Variants in MYO3A observed in about 807,000 individuals in gnomAD.
MYO3A encodes the protein myosin-IIIa.
MYO3A carries 180 observed loss-of-function variants against 192.7 expected under a neutral mutation model. The ratio of observed to expected loss-of-function variants is 0.93; its 90% CI spans 0.83 to 1.06. MYO3A has a LOEUF of 1.06. MYO3A is among the 50% of genes least tolerant of loss of function. MYO3A has a pLI of 0.00. For synonymous variants in MYO3A, 628 were observed against 645.3 expected (o/e 0.97, Z 0.41); for missense variants, 1,896 against 1,905.0 (o/e 1.00, Z 0.09).
In MYO3A at chr10:26,212,159, T is replaced by TA. The variant is rs1349449601; in HGVS notation, c.*196_*197insA. 1.3e-6 allele frequency: 1 copy of TA among 744,174 alleles called. No homozygotes were observed. Among genetic ancestry groups the TA allele is most frequent in the East Asian group, 2.8e-5 (1 of 35,782 alleles). The allele number at this position is 744,174 out of a possible 1,614,324, so 46.1% of individuals were successfully genotyped here. A position where few individuals can be genotyped will look rare whatever the true frequency, so the allele number is the denominator to read the frequency against. On this transcript the variant is annotated 3_prime_UTR_variant, in exon 35 of 35. Transcript: ENST00000642920. ...TCCGAAACAAGAGACCTGGGAGCCC[T>TA]CGGGAAACCTCCCCCGACGCTCTCT...
chr10:25,975,082 A>T (rs1838890168), intron 4 of MYO3A, among the ~76,000 whole-genome samples: 1 of 152,206 alleles, frequency 6.6e-6, no homozygotes, highest in Non-Finnish European at 1.5e-5. Flanking sequence ...TGAGTTGGCT[A>T]AGTATACATA....
At chr10:26,087,576 C>T (rs1326910899) in intron 14 of MYO3A, among the ~76,000 whole-genome samples, 1 of 152,160 alleles carries the variant, frequency 6.6e-6, no homozygotes, top group Non-Finnish European at 1.5e-5. Context: ...AAATAAATTT[C>T]TACTCAGTAG....
intron 6 of MYO3A, among the ~76,000 whole-genome samples, 199 bp downstream of exon 6, chr10:25,997,457 C>T (rs144264488): frequency 5.9e-5 from 9 of 152,294 alleles, no homozygotes; most frequent in African/African-American, 2.2e-4. Flanking sequence ...TTCAAGTCAG[C>T]TAGTTTGTGC....
At chr10:25,962,430 T>G (rs1837989692) in intron 4 of MYO3A, among the ~76,000 whole-genome samples, 1 of 152,112 alleles carries the variant, frequency 6.6e-6, no homozygotes, top group Non-Finnish European at 1.5e-5. Context: ...GAATGAAGTT[T>G]TATGCTGTGG....
At chr10:26,087,831 A>G (rs1001975228) in intron 14 of MYO3A, among the ~76,000 whole-genome samples, 1 of 152,204 alleles carries the variant, frequency 6.6e-6, no homozygotes, top group Non-Finnish European at 1.5e-5. Flanking sequence ...TGTGGAAGCC[A>G]GTAAAGTGGT....
At chr10:26,168,545 A>C (rs1213268041) in intron 27 of MYO3A, among the ~76,000 whole-genome samples, 167 bp from the exon 28 acceptor site, 1 of 152,196 alleles carries the variant, frequency 6.6e-6, no homozygotes, top group Admixed American at 6.5e-5. Context: ...GTTTTCTTCA[A>C]GCATAAAAAT....
chr10:25,968,314 CATAA>C (rs975428375), intron 4 of MYO3A, among the ~76,000 whole-genome samples: 8 of 151,996 alleles, frequency 5.3e-5, no homozygotes, highest in African/African-American at 1.7e-4. Flanking sequence ...AAATGTTATT[CATAA>C]ATAAAGACAA....
intron 14 of MYO3A, among the ~76,000 whole-genome samples, chr10:26,080,832 A>G (rs996543639): frequency 6.6e-6 from 1 of 152,048 alleles, no homozygotes; most frequent in African/African-American, 2.4e-5. Flanking sequence ...CTTCTGGGTC[A>G]AGCCACCCAG....
chr10:25,950,522 A>G (rs1228000546), intron 2 of MYO3A, among the ~76,000 whole-genome samples: 1 of 152,202 alleles, frequency 6.6e-6, no homozygotes, highest in Non-Finnish European at 1.5e-5. Context: ...CTGAATTTTA[A>G]GTGAAACTAG....
At chr10:26,139,508 A>C (rs1266578055) in intron 20 of MYO3A, among the ~76,000 whole-genome samples, 5 of 152,180 alleles carry the variant, frequency 3.3e-5, no homozygotes, top group African/African-American at 1.2e-4. Context: ...CAAAGGATTA[A>C]AAATATTTTA....
rs550574858 is a variant in MYO3A at position 26,189,230 on chromosome 10, G to A, written c.4439-3975G>A. Among the ~76,000 whole-genome samples the A allele has an allele frequency of 2.0e-5, 3 of 152,288 alleles. No individual in the cohort carries two copies. In the South Asian group the frequency reaches 6.2e-4, roughly 32 times the overall value. ...TTAATCTGCTCTTTTAAGGACAGCA[G>A]TCACATTAGATTAGGACCCACTTTA... On this transcript the variant is annotated intron_variant, in intron 31 of 34. Coordinates refer to ENST00000642920, the MANE Select transcript of MYO3A (RefSeq NM_017433.5).
At chr10:26,143,188 G>A (rs909910262) in intron 20 of MYO3A, among the ~76,000 whole-genome samples, 7 of 151,924 alleles carry the variant, frequency 4.6e-5, no homozygotes, top group Admixed American at 6.6e-5. Context: ...AAAATTAGCC[G>A]GGCATGGTGG....
intron 15 of MYO3A, among the ~76,000 whole-genome samples, chr10:26,091,706 G>T (rs930727003): frequency 6.6e-6 from 1 of 152,230 alleles, no homozygotes; most frequent in South Asian, 2.1e-4. Context: ...TTCCAGTCAT[G>T]TGACAGGGTG....
rs1449423343 is a variant in MYO3A at position 26,000,728 on chromosome 10, G to A, written c.508+3470G>A. On this transcript the variant is annotated intron_variant, in intron 6 of 34. Coordinates refer to ENST00000642920, the MANE Select transcript of MYO3A (RefSeq NM_017433.5). ...CCTCTGTCACCCAGGCTGGAGTGTA[G>A]GAGATGAGCTTTTAAAAAGATAATG... 4.0e-5 allele frequency among the ~76,000 whole-genome samples: 6 copies of A among 151,898 alleles called. 1 individual carries two copies. The East Asian group carries it at 1.2e-3, about 29-fold the overall frequency.
chr10:26,088,656 A>G (rs1181828697), intron 15 of MYO3A, among the ~76,000 whole-genome samples: 1 of 152,224 alleles, frequency 6.6e-6, no homozygotes, highest in East Asian at 1.9e-4. Context: ...TCATAGAGGT[A>G]CTAACAGCGT....
intron 4 of MYO3A, among the ~76,000 whole-genome samples, chr10:25,989,700 G>C (rs1839891430): frequency 6.6e-6 from 1 of 152,170 alleles, no homozygotes; most frequent in African/African-American, 2.4e-5. Flanking sequence ...TGTACTATAA[G>C]TGTTCAGGCA....
rs192872892 is a variant in MYO3A at position 25,958,887 on chromosome 10, C to A, written c.303+3879C>A. ...ATTGTTTTTATCTGGCTTTCACCTC[C>A]CTGGTTAGCTGTATTCCTAGGTATT... On this transcript the variant is annotated intron_variant, in intron 4 of 34. Transcript: ENST00000642920. Among the ~76,000 whole-genome samples the A allele has an allele frequency of 6.3e-4, 96 of 151,592 alleles. 1 individual carries two copies. Among genetic ancestry groups the A allele is most frequent in the African/African-American group, 2.1e-3 (86 of 41,304 alleles).
At chr10:26,091,268 T>C (rs1836684315) in intron 15 of MYO3A, among the ~76,000 whole-genome samples, 1 of 152,240 alleles carries the variant, frequency 6.6e-6, no homozygotes, top group Non-Finnish European at 1.5e-5. Flanking sequence ...CCTCTGGCGA[T>C]GTCATCCCAG....
intron 19 of MYO3A, 110 bp downstream of exon 19, chr10:26,125,718 T>C: frequency 1.1e-6 from 1 of 929,352 alleles, no homozygotes; most frequent in Non-Finnish European, 1.7e-6. Flanking sequence ...ATAATTGATG[T>C]AATTAAATTA....
Sources: gnomAD v4.1 joint callset for allele counts (sites outside exome capture counted in the v4.1 genomes callset) on GRCh38, gnomAD v4.1.1 for gene constraint, MANE v1.5 for transcripts, NCBI Gene and HGNC (gene_info 2026-07-23, HGNC 2026-07-21) for gene names.